The following CNPPD1 variants were observed in gnomAD, a reference collection of about 807,000 sequenced individuals.
CNPPD1 encodes cyclin Pas1/PHO80 domain containing 1.
A neutral mutation model predicts 43.7 loss-of-function variants in CNPPD1; 40 were observed. That is an observed-to-expected ratio of 0.92 (90% CI 0.71 to 1.19). CNPPD1 has a LOEUF of 1.19. CNPPD1 is among the 50% of genes most tolerant of loss of function. The pLI, the probability that CNPPD1 is intolerant of heterozygous loss-of-function variation, is 0.00. For missense variants in CNPPD1, 511 were observed against 518.5 expected, an observed-to-expected ratio of 0.99 and a Z score of 0.14; for synonymous variants, 208 against 214.3, an observed-to-expected ratio of 0.97 and a Z score of 0.26.
chr2:219,174,110 T>C (rs1333261599), intron 6 of CNPPD1, 36 bp downstream of exon 6: 3 of 1,605,830 alleles, frequency 1.9e-6, no homozygotes, highest in African/African-American at 1.3e-5. Context: ...AGCCCCCAAA[T>C]CCCTCGAGCC....
chr2:219,174,631 G>T, intron 5 of CNPPD1, 147 bp downstream of exon 5: 3 of 1,146,896 alleles, frequency 2.6e-6, no homozygotes, highest in Non-Finnish European at 3.6e-6. Flanking sequence ...GTACTGAAGA[G>T]ATAGGAAAGG....
chr2:219,175,561 C>T (rs1408315971), intron 3 of CNPPD1, 30 bp downstream of exon 3: 2 of 1,571,672 alleles, frequency 1.3e-6, no homozygotes, highest in Non-Finnish European at 1.8e-6. Context: ...GGCCCAAACA[C>T]TCTCATCCTA....
chr2:219,175,396 C>A (rs1398612717), intron 3 of CNPPD1, among the ~76,000 whole-genome samples, 195 bp downstream of exon 3: 1 of 151,574 alleles, frequency 6.6e-6, no homozygotes, highest in Non-Finnish European at 1.5e-5. Context: ...ACTGGGGAGG[C>A]TGAGGCACAA....
chr2:219,176,340 G>A lies in CNPPD1; in HGVS notation c.70-9C>T, dbSNP rs761784821. ...TGGTGTCCTGGGAGGAACTGAAACAGGGCAGGGGCAGCGGAGGGTGAAGGG... is the reference window on the plus strand; with the variant it reads ...TGGTGTCCTGGGAGGAACTGAAACAAGGCAGGGGCAGCGGAGGGTGAAGGG... On this transcript the variant is annotated splice_polypyrimidine_tract_variant and intron_variant, in intron 1 of 7. Transcript: ENST00000360507. 4 of 1,592,828 alleles carry A rather than the reference G, an allele frequency of 2.5e-6. No homozygotes were observed. Among genetic ancestry groups the A allele is most frequent in the Non-Finnish European group, 2.6e-6 (3 of 1,160,690 alleles).
At chr2:219,174,943 A>T in intron 4 of CNPPD1, 37 bp from the exon 5 acceptor site, 1 of 1,614,162 alleles carries the variant, frequency 6.2e-7, no homozygotes, top group Non-Finnish European at 8.5e-7. Context: ...CAGAGCTCAT[A>T]GCAGGCTCTT....
rs1160668710 is a variant in CNPPD1 at position 219,171,966 on chromosome 2, C to T, written c.*620G>A. 2 of 153,462 alleles carry T rather than the reference C, an allele frequency of 1.3e-5. No homozygotes were observed. The highest frequency in any genetic ancestry group is 4.8e-5 in the African/African-American group (2 of 41,430). The allele number at this position is 153,462 out of a possible 1,614,324, so 9.5% of individuals were successfully genotyped here. A position where few individuals can be genotyped will look rare whatever the true frequency, so the allele number is the denominator to read the frequency against. On this transcript the variant is annotated 3_prime_UTR_variant, in exon 8 of 8. Transcript: ENST00000360507. The stretch of plus-strand genomic sequence containing the variant: ...GAAAAACCCTGATACAAAGCAGTGG[C>T]CAGAGAGGCCTGGGAAGAGAATACC...
rs1950088937 is a variant in CNPPD1 at position 219,172,650 on chromosome 2, T to C, written c.1169A>G (p.Gln390Arg). The C allele has an allele frequency of 6.2e-7, 1 of 1,613,950 alleles. No individual in the cohort carries two copies. Among genetic ancestry groups the C allele is most frequent in the Non-Finnish European group, 8.5e-7 (1 of 1,180,020 alleles). Residue 390 changes from glutamine to arginine, a missense_variant, in exon 8 of 8, where the codon CAG becomes CGG. By Grantham distance (43) the Gln-to-Arg change is conservative. Coordinates refer to ENST00000360507, the MANE Select transcript of CNPPD1 (RefSeq NM_015680.6). ...SPVLLSLPQP[Q>R]QCSLFSVMEL... ...CATGACACTGAAAAGGGAACATTGC[T>C]GAGGCTGAGGAAGTGAAAGGAGCAC...
In CNPPD1 at chr2:219,176,816, C is replaced by T. The variant is rs150342479; in HGVS notation, c.13G>A (p.Gly5Arg). The T allele has an allele frequency of 1.4e-5, 22 of 1,579,366 alleles. No individual in the cohort carries two copies. The African/African-American group carries it at 2.7e-4, about 19-fold the overall frequency. MDLT[G>R]LLLDEEGTFS... is the part of the protein sequence containing the mutation. ...GTGCCTTCTTCGTCCAGCAGGAGCC[C>T]GGTCAGGTCCATCGCGCCGCCAGTC... is the stretch of plus-strand genomic sequence containing the variant. Residue 5 changes from glycine to arginine, a missense_variant, in exon 1 of 8, where the codon GGG (glycine) becomes AGG (arginine). Physicochemically the swap from Gly to Arg is moderately radical, Grantham distance 125 (BLOSUM62 -2). Transcript: ENST00000360507.
upstream of CNPPD1, chr2:219,177,136 G>A (rs1950186610): frequency 3.2e-6 from 1 of 308,528 alleles, no homozygotes; most frequent in African/African-American, 2.2e-5. Context: ...CGGCTGCGAG[G>A]CGCGTACTCC....
chr2:219,174,789 G>T lies in CNPPD1; in HGVS notation c.499C>A (p.Leu167Met), dbSNP rs1262383164. ...GAACAGCTGCTCACCATGGCACTCA[G>T]GAAGCCCCTCTCCAAGGCATTGAGA... ...PTLNALERGFLSAMDWHLYTD... is the reference protein window; with the variant it reads ...PTLNALERGFMSAMDWHLYTD... The change falls in exon 5 of 8, where the codon CTG becomes ATG. Residue 167 changes from leucine to methionine, a missense_variant. Leu to Met is a conservative substitution (Grantham distance 15). Coordinates refer to ENST00000360507, the MANE Select transcript of CNPPD1 (RefSeq NM_015680.6). 1 of 1,602,952 alleles carries T rather than the reference G, an allele frequency of 6.2e-7. No individual in the cohort carries two copies. The highest frequency in any genetic ancestry group is 8.5e-7 in the Non-Finnish European group (1 of 1,172,950).
chr2:219,172,975 T>C lies in CNPPD1; in HGVS notation c.844A>G (p.Ile282Val), dbSNP rs762461675. 6.2e-7 allele frequency: 1 copy of C among 1,613,830 alleles called. No homozygotes were observed. ...GGCAGGCATTGTGGCACAGAAGGTATGCAGGGCTCCAGGAGGCAACGGGAG... is the reference window on the plus strand; with the variant it reads ...GGCAGGCATTGTGGCACAGAAGGTACGCAGGGCTCCAGGAGGCAACGGGAG... ...LTSRCLLEPC[I>V]PSVPQCLPSL... The change falls in exon 8 of 8, where the codon ATA becomes GTA. Residue 282 changes from isoleucine (I) to valine (V), a missense_variant. Coordinates refer to ENST00000360507, the MANE Select transcript of CNPPD1 (RefSeq NM_015680.6).
intron 2 of CNPPD1, among the ~76,000 whole-genome samples, 184 bp from the exon 3 acceptor site, chr2:219,175,856 C>T (rs897164343): frequency 6.6e-6 from 1 of 152,220 alleles, no homozygotes; most frequent in African/African-American, 2.4e-5. Flanking sequence ...GTTCGAATTT[C>T]AGCTCATTCT....
chr2:219,175,698 G>A, intron 2 of CNPPD1, 26 bp from the exon 3 acceptor site: 1 of 1,609,220 alleles, frequency 6.2e-7, no homozygotes, highest in Non-Finnish European at 8.5e-7. Flanking sequence ...GGAAGGCCGA[G>A]TGAGCAAACA....
In CNPPD1 at chr2:219,173,402, T is replaced by C; in HGVS notation, c.638A>G (p.Glu213Gly). 3 of 1,613,762 alleles carry C rather than the reference T, an allele frequency of 1.9e-6. No homozygotes were observed. The highest frequency in any genetic ancestry group is 2.5e-6 in the Non-Finnish European group (3 of 1,179,968). The change falls in exon 7 of 8, where the codon GAG becomes GGG. Residue 213 changes from glutamate (E) to glycine (G), a missense_variant. Physicochemically the swap from Glu to Gly is moderately conservative, Grantham distance 98. Coordinates refer to ENST00000360507, the MANE Select transcript of CNPPD1 (RefSeq NM_015680.6). ...CAGGGCCAACTGCCAGGTCGGCTGC[T>C]CCAGCAGCACACACAGGTCTGTGTA... ...YTYTDLCVLL[E>G]QPTWQLALGS...
chr2:219,174,976 G>C lies in CNPPD1; in HGVS notation c.381+12C>G, dbSNP rs961203687. 5 of 1,614,056 alleles carry C rather than the reference G, an allele frequency of 3.1e-6. No individual in the cohort carries two copies. The South Asian group carries it at 3.3e-5, about 11-fold the overall frequency. ...CTTGGCTCTTTAGGGAGATGGGGAGGGGGTGTCTTACCATGGAGATCAGGA... is the reference window on the plus strand; with the variant it reads ...CTTGGCTCTTTAGGGAGATGGGGAGCGGGTGTCTTACCATGGAGATCAGGA... On this transcript the variant is annotated intron_variant, in intron 4 of 7. Transcript: ENST00000360507.
At chr2:219,176,447 G>C (rs771817098) in intron 1 of CNPPD1, 116 bp from the exon 2 acceptor site, 1 of 795,236 alleles carries the variant, frequency 1.3e-6, no homozygotes, top group Non-Finnish European at 2.1e-6. Context: ...TAGGGGGCCC[G>C]TGCCTTACCC....
In CNPPD1 at chr2:219,172,279, CAAAAGT is replaced by C. The variant is rs1464441324; in HGVS notation, c.*301_*306del. 2.1e-4 allele frequency: 93 copies of C among 442,038 alleles called. No individual in the cohort carries two copies. Among genetic ancestry groups the C allele is most frequent in the Non-Finnish European group, 3.4e-4 (83 of 242,034 alleles). The allele number at this position is 442,038 out of a possible 1,614,324, so 27.4% of individuals were successfully genotyped here. A position where few individuals can be genotyped will look rare whatever the true frequency, so the allele number is the denominator to read the frequency against. On this transcript the variant is annotated 3_prime_UTR_variant, in exon 8 of 8. Transcript: ENST00000360507. ...CTATACTCTTCCATCCTAGGGAAAT[CAAAAGT>C]AAAAGTCTAAAAAATCCCAGGGAGG...
intron 3 of CNPPD1, among the ~76,000 whole-genome samples, chr2:219,175,359 C>T (rs569059527): frequency 1.3e-5 from 2 of 151,756 alleles, no homozygotes; most frequent in Non-Finnish European, 2.9e-5. Flanking sequence ...TAGCCAGGGG[C>T]GGTGGTGTGT....
intron 2 of CNPPD1, among the ~76,000 whole-genome samples, chr2:219,175,885 C>T (rs1950151093): frequency 6.6e-6 from 1 of 152,210 alleles, no homozygotes; most frequent in South Asian, 2.1e-4. Context: ...AGCTTATTGC[C>T]CTGTCACATC....
Sources: allele counts gnomAD v4.1 joint callset (sites outside exome capture counted in the v4.1 genomes callset), GRCh38; gene constraint gnomAD v4.1.1; transcripts MANE v1.5; gene names NCBI Gene and HGNC (gene_info 2026-07-23, HGNC 2026-07-21).